Variants in CACNB4 observed in about 807,000 individuals in gnomAD.
CACNB4 encodes calcium voltage-gated channel auxiliary subunit beta 4, also known as voltage-dependent L-type calcium channel subunit beta-4.
In CACNB4, 32 loss-of-function variants were observed where a neutral mutation model predicts 71.2. The ratio of observed to expected loss-of-function variants is 0.45; its 90% CI spans 0.34 to 0.60. The LOEUF (loss-of-function observed/expected upper bound fraction) is 0.60. Ranked by LOEUF, CACNB4 falls within the 20% of genes least tolerant of loss-of-function variation. The pLI, the probability that CACNB4 is intolerant of heterozygous loss-of-function variation, is 0.01. For synonymous variants in CACNB4, 231 were observed against 236.9 expected, an observed-to-expected ratio of 0.97 and a Z score of 0.23; for missense variants, 464 against 647.9, an observed-to-expected ratio of 0.72 and a Z score of 3.08.
At chr2:152,020,751 C>T (rs1313720834) in intron 2 of CACNB4, among the ~76,000 whole-genome samples, 1 of 152,144 alleles carries the variant, frequency 6.6e-6, no homozygotes, top group Non-Finnish European at 1.5e-5. Flanking sequence ...ATTGAGAGCA[C>T]ACCCAGAGGA....
intron 2 of CACNB4, among the ~76,000 whole-genome samples, chr2:151,975,380 A>G (rs2151741163): frequency 6.6e-6 from 1 of 152,358 alleles, no homozygotes; most frequent in Non-Finnish European, 1.5e-5. Context: ...CATGTCTTTC[A>G]ATCACAGTCG....
intron 2 of CACNB4, among the ~76,000 whole-genome samples, chr2:151,976,208 G>A (rs2099873768): frequency 1.3e-5 from 2 of 152,360 alleles, no homozygotes; most frequent in Admixed American, 6.5e-5. Flanking sequence ...GGCTCTGCCT[G>A]CTTTCCAGGA....
At chr2:151,860,204 A>T (rs2099841284) in intron 10 of CACNB4, 1 of 173,122 alleles carries the variant, frequency 5.8e-6, no homozygotes, top group African/African-American at 2.4e-5. Context: ...CTTCTCCATC[A>T]TGGGGAATTT....
chr2:152,008,861 T>A (rs540274804), intron 2 of CACNB4, among the ~76,000 whole-genome samples: 32 of 152,180 alleles, frequency 2.1e-4, no homozygotes, highest in Admixed American at 1.2e-3. Context: ...TTTAACAAGA[T>A]CTCCAGTGAA....
intron 2 of CACNB4, among the ~76,000 whole-genome samples, chr2:151,891,187 G>A (rs1185703853): frequency 6.6e-6 from 1 of 152,110 alleles, no homozygotes; most frequent in Non-Finnish European, 1.5e-5. Context: ...GCTAGTTTTT[G>A]CTATAATTGC....
intron 2 of CACNB4, among the ~76,000 whole-genome samples, chr2:151,923,264 A>G (rs778017252): frequency 1.3e-4 from 20 of 152,214 alleles, no homozygotes; most frequent in Non-Finnish European, 2.4e-4. Flanking sequence ...TCCAACACCT[A>G]AACTCCAGAG....
At chr2:152,035,665 A>ATATATG (rs1236830827) in intron 2 of CACNB4, among the ~76,000 whole-genome samples, 43 of 141,714 alleles carry the variant, frequency 3.0e-4, no homozygotes, top group African/African-American at 1.0e-3. Context: ...ATATATATAT[A>ATATATG]TATGTATGTA....
intron 11 of CACNB4, 140 bp from the exon 12 acceptor site, chr2:151,853,683 C>T (rs182689330): frequency 2.3e-5 from 13 of 566,180 alleles, no homozygotes; most frequent in African/African-American, 2.2e-4. Context: ...ATATTTAAAC[C>T]TGTAATGATG....
intron 12 of CACNB4, among the ~76,000 whole-genome samples, chr2:151,846,954 C>T (rs1187523554): frequency 6.6e-6 from 1 of 152,058 alleles, no homozygotes; most frequent in East Asian, 1.9e-4. Flanking sequence ...TAATGATACG[C>T]ATTGCTTTAC....
intron 2 of CACNB4, among the ~76,000 whole-genome samples, chr2:151,943,169 C>T (rs1578899157): frequency 6.6e-6 from 1 of 152,170 alleles, no homozygotes; most frequent in African/African-American, 2.4e-5. Flanking sequence ...TATGTGATGT[C>T]ACCTCCGGCG....
Position 152,074,438 on chromosome 2 carries a change from C to T in CACNB4, c.147+23892G>A, listed in dbSNP as rs551920847. Among the ~76,000 whole-genome samples the T allele has an allele frequency of 2.7e-4, 41 of 151,714 alleles. No homozygotes were observed. The South Asian group carries it at 8.5e-3, about 32-fold the overall frequency. ...AGCAGCACCACCACCATAACCATCA[C>T]CAAGCCATCGTGGCATAATCACTAC... On this transcript the variant is annotated intron_variant, in intron 2 of 13. Transcript: ENST00000539935.
At chr2:151,951,302 C>A (rs74703231) in intron 2 of CACNB4, among the ~76,000 whole-genome samples, 3 of 151,606 alleles carry the variant, frequency 2.0e-5, no homozygotes, top group Non-Finnish European at 4.4e-5. Flanking sequence ...AAAAAAAAAA[C>A]AACTAATAAC....
chr2:151,927,258 A>G (rs1203382614), intron 2 of CACNB4, among the ~76,000 whole-genome samples: 1 of 152,222 alleles, frequency 6.6e-6, no homozygotes, highest in African/African-American at 2.4e-5. Context: ...GAGAGGGGAA[A>G]TTGGTGATGC....
rs138526664 is a variant in CACNB4 at position 151,966,571 on chromosome 2, G to A, written c.148-83201C>T. 2.0e-3 allele frequency among the ~76,000 whole-genome samples: 305 copies of A among 152,132 alleles called. 1 individual carries two copies. The highest frequency in any genetic ancestry group is 7.1e-3 in the African/African-American group (293 of 41,500). ...TGGGATTACAGGTGTGAGCCACTGC[G>A]CCCAGCCTCCCAGCATTATTTCAAT... On this transcript the variant is annotated intron_variant, in intron 2 of 13. Coordinates refer to ENST00000539935, the MANE Select transcript of CACNB4 (RefSeq NM_000726.5).
intron 9 of CACNB4, chr2:151,866,164 C>T (rs775726082): frequency 6.6e-6 from 1 of 152,140 alleles, no homozygotes. Flanking sequence ...TAATAAGTAG[C>T]TCTAAACTGA....
intron 2 of CACNB4, among the ~76,000 whole-genome samples, chr2:151,928,332 C>T (rs575332182): frequency 2.4e-4 from 37 of 152,254 alleles, no homozygotes; most frequent in African/African-American, 8.4e-4. Context: ...ATTGTAGATA[C>T]CTGAATACTA....
At chr2:151,985,323 A>G (rs1242693675) in intron 2 of CACNB4, among the ~76,000 whole-genome samples, 1 of 152,178 alleles carries the variant, frequency 6.6e-6, no homozygotes, top group Admixed American at 6.5e-5. Flanking sequence ...CTCAAAACAT[A>G]ATTTATTACA....
At chr2:152,022,023 A>T (rs1683695739) in intron 2 of CACNB4, among the ~76,000 whole-genome samples, 1 of 152,220 alleles carries the variant, frequency 6.6e-6, no homozygotes, top group Non-Finnish European at 1.5e-5. Flanking sequence ...AGTTGTATTA[A>T]AAAGCACATT....
At chr2:152,014,969 C>G (rs1683263165) in intron 2 of CACNB4, among the ~76,000 whole-genome samples, 1 of 152,146 alleles carries the variant, frequency 6.6e-6, no homozygotes, top group Admixed American at 6.6e-5. Context: ...TAAACCAAGG[C>G]TGAATGTGCT....
Sources: gnomAD v4.1 joint callset for allele counts (sites outside exome capture counted in the v4.1 genomes callset) on GRCh38, gnomAD v4.1.1 for gene constraint, MANE v1.5 for transcripts, NCBI Gene and HGNC (gene_info 2026-07-23, HGNC 2026-07-21) for gene names.